MEGF6: variants seen among roughly 807,000 people sequenced by gnomAD.
The protein encoded by MEGF6 is multiple EGF like domains 6, also known as multiple epidermal growth factor-like domains protein 6.
Under a neutral mutation model 207.1 loss-of-function variants are expected in MEGF6, and 184 were observed. The ratio of observed to expected loss-of-function variants is 0.89; its 90% CI spans 0.79 to 1.00. MEGF6 has a LOEUF of 1.00. Ranked by LOEUF, MEGF6 falls within the 50% of genes least tolerant of loss-of-function variation. The probability of loss-of-function intolerance (pLI) is 0.00; values close to 1 mark genes in which losing one functional copy is unlikely to be tolerated. For missense variants in MEGF6, 2,282 were observed against 2,202.9 expected, an observed-to-expected ratio of 1.04 and a Z score of -0.72; for synonymous variants, 1,038 against 910.0, an observed-to-expected ratio of 1.14 and a Z score of -2.53.
chr1:3,616,466 G>C (rs972508222), upstream of MEGF6, among the ~76,000 whole-genome samples: 1 of 151,982 alleles, frequency 6.6e-6, no homozygotes. Context: ...GACCACCCCG[G>C]ACCGCCCCAG....
At chr1:3,577,972 G>C (rs533054179) in intron 4 of MEGF6, among the ~76,000 whole-genome samples, 1 of 152,220 alleles carries the variant, frequency 6.6e-6, no homozygotes, top group East Asian at 1.9e-4. Flanking sequence ...CCGATGCCCC[G>C]GGGTCCACGC....
chr1:3,610,660 A>T (rs1041658456), intron 1 of MEGF6, among the ~76,000 whole-genome samples: 4 of 152,242 alleles, frequency 2.6e-5, no homozygotes, highest in Non-Finnish European at 4.4e-5. Flanking sequence ...AACAGCCCAA[A>T]GCACACATGT....
chr1:3,552,063 C>T (rs146434283), intron 4 of MEGF6, among the ~76,000 whole-genome samples: 21 of 152,322 alleles, frequency 1.4e-4, no homozygotes, highest in African/African-American at 3.8e-4. Flanking sequence ...GCTCTGGACA[C>T]GCCAAACTGT....
At chr1:3,514,229 T>C (rs552875752) in intron 7 of MEGF6, among the ~76,000 whole-genome samples, 4 of 144,992 alleles carry the variant, frequency 2.8e-5, no homozygotes, top group South Asian at 4.3e-4. Context: ...GCCTGGGCAA[T>C]AGAGCGAGAC....
chr1:3,532,164 C>T (rs1440926837), intron 4 of MEGF6, among the ~76,000 whole-genome samples: 3 of 152,242 alleles, frequency 2.0e-5, no homozygotes, highest in Non-Finnish European at 4.4e-5. Flanking sequence ...AGCCCTGGGT[C>T]CCCACGCTCC....
the MEGF6 span, among the ~76,000 whole-genome samples, chr1:3,619,175 A>G: frequency 3.3e-5 from 5 of 152,198 alleles, no homozygotes; most frequent in African/African-American, 9.6e-5. Context: ...AAGACCTCGC[A>G]TGGGTGATGC....
Position 3,611,245 on chromosome 1 carries a change from C to T in MEGF6, c.24G>A (p.Arg8=), listed in dbSNP as rs769020404. 1 of 1,522,352 alleles carries T rather than the reference C, an allele frequency of 6.6e-7. No homozygotes were observed. The highest frequency in any genetic ancestry group is 1.2e-5 in the South Asian group (1 of 81,954). The allele number at this position is 1,522,352 out of a possible 1,614,324, so 94.3% of individuals were successfully genotyped here. A position where few individuals can be genotyped will look rare whatever the true frequency, so the allele number is the denominator to read the frequency against. The change falls in exon 1 of 37, where the codon AGG becomes AGA. Residue 8 remains arginine, a synonymous_variant. Transcript: ENST00000356575. MSFLEEA[R]AAGRAVVLAL... is the part of the protein sequence containing the mutation. ...CCAGGACCACCGCGCGCCCCGCTGCCCTCGCCTCTTCAAGGAACGACATCG... is the reference window on the plus strand; with the variant it reads ...CCAGGACCACCGCGCGCCCCGCTGCTCTCGCCTCTTCAAGGAACGACATCG...
intron 24 of MEGF6, 92 bp from the exon 25 acceptor site, chr1:3,498,918 G>A (rs1402953577): frequency 2.7e-6 from 4 of 1,497,026 alleles, no homozygotes; most frequent in Non-Finnish European, 2.7e-6. Flanking sequence ...TGGACTTTGG[G>A]GTCAGGCACC....
intron 4 of MEGF6, among the ~76,000 whole-genome samples, chr1:3,539,127 G>A (rs1322914540): frequency 1.3e-5 from 2 of 152,136 alleles, no homozygotes; most frequent in Admixed American, 6.5e-5. Context: ...GGCCTGGGCC[G>A]AATCCAGTGA....
At chr1:3,605,152 TCA>T (rs375263137) in intron 1 of MEGF6, among the ~76,000 whole-genome samples, 67 of 68,710 alleles carry the variant, frequency 9.8e-4, no homozygotes, top group Non-Finnish European at 1.3e-3. Flanking sequence ...AGTCACACAC[TCA>T]CAGTCACATA....
At chr1:3,532,959 A>G (rs1294580941) in intron 4 of MEGF6, among the ~76,000 whole-genome samples, 1 of 152,228 alleles carries the variant, frequency 6.6e-6, no homozygotes, top group South Asian at 2.1e-4. Context: ...TGCTGTCCTC[A>G]GGTCAAATTC....
intron 4 of MEGF6, among the ~76,000 whole-genome samples, chr1:3,578,436 A>G (rs150061046): frequency 6.6e-6 from 1 of 151,870 alleles, no homozygotes; most frequent in African/African-American, 2.4e-5. Context: ...TCCTCGGAAC[A>G]GGGATGGGTC....
intron 4 of MEGF6, among the ~76,000 whole-genome samples, chr1:3,548,491 G>A (rs1208304729): frequency 2.0e-5 from 3 of 152,238 alleles, no homozygotes; most frequent in African/African-American, 2.4e-5. Flanking sequence ...TACACAGGGC[G>A]AGACGGAGGC....
upstream of MEGF6, among the ~76,000 whole-genome samples, chr1:3,613,999 G>A (rs1174281792): frequency 1.3e-5 from 2 of 152,172 alleles, no homozygotes; most frequent in African/African-American, 2.4e-5. Context: ...AAGGGGATAT[G>A]TCCTTCCTGC....
At chr1:3,506,876 A>G (rs1040110685) in intron 14 of MEGF6, among the ~76,000 whole-genome samples, 3 of 152,142 alleles carry the variant, frequency 2.0e-5, no homozygotes, top group African/African-American at 4.8e-5. Context: ...AAAGACAAAC[A>G]TCCTCATCTG....
At chr1:3,617,170 C>T in the MEGF6 span, among the ~76,000 whole-genome samples, 5 of 151,358 alleles carry the variant, frequency 3.3e-5, no homozygotes, top group Admixed American at 6.6e-5. Context: ...CCTGCCATCC[C>T]TCCCTCCAAC....
At position 3,490,619 on chromosome 1, in the gene MEGF6, C is replaced by T. The variant is rs754852120; in HGVS notation, c.4565-30G>A. On this transcript the variant is annotated intron_variant, in intron 36 of 36. Coordinates refer to ENST00000356575, the MANE Select transcript of MEGF6 (RefSeq NM_001409.4). ...GGAAAAGGAGAAAAGAGGGCCAGTC[C>T]AGGGTGGGGCGGGTGCTCCCAGAAC... 3 of 1,608,618 alleles carry T rather than the reference C, an allele frequency of 1.9e-6. No individual in the cohort carries two copies. The Admixed American group carries it at 5.1e-5, about 27-fold the overall frequency.
chr1:3,495,496 TG>T (rs1387081398), intron 30 of MEGF6, among the ~76,000 whole-genome samples: 1 of 152,192 alleles, frequency 6.6e-6, no homozygotes. Context: ...CCCTGAGCCC[TG>T]GGCCTGGCAG....
chr1:3,569,771 A>G (rs867413), intron 4 of MEGF6, among the ~76,000 whole-genome samples: 49,642 of 152,160 alleles, frequency 0.33, 11,195 homozygotes, highest in African/African-American at 0.64. Context: ...CAGGCAGCAC[A>G]GGGGCAGTTG....
Sources: gnomAD v4.1 joint callset for allele counts (sites outside exome capture counted in the v4.1 genomes callset) on GRCh38, gnomAD v4.1.1 for gene constraint, MANE v1.5 for transcripts, NCBI Gene and HGNC (gene_info 2026-07-23, HGNC 2026-07-21) for gene names.